The following PANK2 variants were observed in gnomAD, a reference collection of about 807,000 sequenced individuals.
PANK2 encodes the protein pantothenate kinase 2.
A neutral mutation model predicts 43.1 loss-of-function variants in PANK2; 36 were observed. That is an observed-to-expected ratio of 0.84 (90% CI 0.64 to 1.10). PANK2 has a LOEUF of 1.10. PANK2 is among the 50% of genes least tolerant of loss of function. The pLI, the probability that PANK2 is intolerant of heterozygous loss-of-function variation, is 0.00. For missense variants in PANK2, 576 were observed against 593.3 expected (o/e 0.97, Z 0.30); for synonymous variants, 281 against 238.2 (o/e 1.18, Z -1.66).
Position 3,912,576 on chromosome 20 carries a change from G to A in PANK2, c.1024G>A (p.Asp342Asn). 6.2e-7 allele frequency: 1 copy of A among 1,614,146 alleles called. No individual in the cohort carries two copies. The highest frequency in any genetic ancestry group is 8.5e-7 in the Non-Finnish European group (1 of 1,180,030). Reference sequence around the variant, plus strand: ...CACCAAAGTGGATAAACTAGTACGAGATATTTATGGAGGGGACTATGAGAG... The same window carrying A: ...CACCAAAGTGGATAAACTAGTACGAAATATTTATGGAGGGGACTATGAGAG... Residue 342 changes from aspartate to asparagine, a missense_variant, in exon 4 of 7, where the codon GAT (aspartate) becomes AAT (asparagine). This residue lies in a region of PANK2 where 544 missense variants were observed against 528.9 expected (regional missense o/e 1.03). Transcript: ENST00000610179.
At position 3,914,984 on chromosome 20, in the gene PANK2, A is replaced by G. The variant is rs1317986830; in HGVS notation, c.1083-1943A>G. ...AAATGTCTGCTGAAGTCTATTGCTA[A>G]GTTTTTAGTTGGATTGTCTTTTTAT... is the stretch of plus-strand genomic sequence containing the variant. On this transcript the variant is annotated intron_variant, in intron 4 of 6. Transcript: ENST00000610179. Among the ~76,000 whole-genome samples, 5 of 152,180 alleles carry G rather than the reference A, an allele frequency of 3.3e-5. No individual in the cohort carries two copies. In the South Asian group the frequency reaches 1.0e-3, roughly 32 times the overall value.
rs1399781461 is a variant in PANK2, at chr20:3,914,588, C to G, written c.1082+1954C>G. ...TGTTGGGATTACAGGTGTGAGCCAT[C>G]ACTCCTGGCTGAACATTTTTTTTGT... On this transcript the variant is annotated intron_variant, in intron 4 of 6. Transcript: ENST00000610179. 2.0e-5 allele frequency among the ~76,000 whole-genome samples: 3 copies of G among 147,036 alleles called. 1 individual carries two copies.
Position 3,889,696 on chromosome 20 carries a change from A to C in PANK2, c.266A>C (p.Gln89Pro), listed in dbSNP as rs1191744895. The change falls in exon 1 of 7, where the codon CAG (glutamine) becomes CCG (proline). Residue 89 changes from glutamine (Q) to proline (P), a missense_variant. By Grantham distance (76) the Gln-to-Pro change is moderately conservative. This residue lies in a region of PANK2 where 544 missense variants were observed against 528.9 expected (regional missense o/e 1.03). Transcript: ENST00000610179. ...AGCGGCCCCACCTCGGTCTCCCGCC[A>C]GCGCGTCGAAAGCCTGAGGAAAAAG... 3 of 1,595,820 alleles carry C rather than the reference A, an allele frequency of 1.9e-6. No individual in the cohort carries two copies. The highest frequency in any genetic ancestry group is 2.5e-6 in the Non-Finnish European group (3 of 1,178,974).
intron 4 of PANK2, among the ~76,000 whole-genome samples, chr20:3,916,118 T>G (rs2090555745): frequency 6.6e-6 from 1 of 152,244 alleles, no homozygotes; most frequent in African/African-American, 2.4e-5. Context: ...ATCTTTGCTT[T>G]CTTTCAGCAG....
rs1378766274 is a variant in PANK2, at chr20:3,924,026, T to C, written c.*732T>C. 1.3e-5 allele frequency: 2 copies of C among 152,512 alleles called. No individual in the cohort carries two copies. The highest frequency in any genetic ancestry group is 2.9e-5 in the Non-Finnish European group (2 of 68,302). 9.4% of individuals were successfully genotyped at this position (152,512 alleles called of 1,614,324 possible). A position where few individuals can be genotyped will look rare whatever the true frequency, so the allele number is the denominator to read the frequency against. On this transcript the variant is annotated 3_prime_UTR_variant, in exon 7 of 7. Transcript: ENST00000610179. ...ACATGAGTCAGCAGGGCCACTAGAA[T>C]TGACACCCCCTCAGGGGATCAGGGA...
rs2090676418 is a variant in PANK2, at chr20:3,923,336, A to G, written c.*42A>G. ...GGTTCCTGAAACCTTCCACAATGGGATCTGTGGACTTTCATTTTTTTAAGA... is the reference window on the plus strand; with the variant it reads ...GGTTCCTGAAACCTTCCACAATGGGGTCTGTGGACTTTCATTTTTTTAAGA... On this transcript the variant is annotated 3_prime_UTR_variant, in exon 7 of 7. Transcript: ENST00000610179. The G allele has an allele frequency of 1.3e-6, 2 of 1,592,718 alleles. No homozygotes were observed. Among genetic ancestry groups the G allele is most frequent in the Non-Finnish European group, 1.7e-6 (2 of 1,160,728 alleles).
rs2090770130 is a variant in PANK2, at chr20:3,928,779, A to AAAAAAAAAAG, written c.*5485_*5486insAAAAAAAAAG. On this transcript the variant is annotated 3_prime_UTR_variant, in exon 7 of 7. Coordinates refer to ENST00000610179, the MANE Select transcript of PANK2 (RefSeq NM_001386393.1). ...AAAAAAAAAAAAAAAAAAAAAAAAA[A>AAAAAAAAAAG]TTGTTGGGGTAATTTCTGTTGTCAA... 1 of 141,642 alleles carries AAAAAAAAAAG rather than the reference A, an allele frequency of 7.1e-6. No individual in the cohort carries two copies. The highest frequency in any genetic ancestry group is 1.5e-5 in the Non-Finnish European group (1 of 66,442). 8.8% of individuals were successfully genotyped at this position (141,642 alleles called of 1,614,324 possible).
At position 3,895,254 on chromosome 20, in the gene PANK2, AC is replaced by A. The variant is rs1208761762; in HGVS notation, c.298+5527del. The stretch of plus-strand genomic sequence containing the variant: ...GCGCCACTGCACTCCAGCCTGGGAG[AC>A]AGGGCGAGACTCCATCTCAAATAAA... On this transcript the variant is annotated intron_variant, in intron 1 of 6. Coordinates refer to ENST00000610179, the MANE Select transcript of PANK2 (RefSeq NM_001386393.1). Among the ~76,000 whole-genome samples, 4 of 152,226 alleles carry A rather than the reference AC, an allele frequency of 2.6e-5. 1 individual carries two copies. The highest frequency in any genetic ancestry group is 9.6e-5 in the African/African-American group (4 of 41,548).
chr20:3,903,873 C>T (rs554028501), intron 1 of PANK2, among the ~76,000 whole-genome samples: 3 of 152,100 alleles, frequency 2.0e-5, no homozygotes, highest in African/African-American at 2.4e-5. Flanking sequence ...GTGATCCGGC[C>T]GCTTCAGCCT....
chr20:3,898,943 C>T (rs1251309253), intron 1 of PANK2, among the ~76,000 whole-genome samples: 1 of 150,656 alleles, frequency 6.6e-6, no homozygotes, highest in Non-Finnish European at 1.5e-5. Flanking sequence ...GGTGCGACCT[C>T]GGCTCACTGC....
At chr20:3,922,662 T>C (rs2090664238) in intron 6 of PANK2, among the ~76,000 whole-genome samples, 1 of 151,934 alleles carries the variant, frequency 6.6e-6, no homozygotes, top group African/African-American at 2.4e-5. Context: ...CCGGCCTTGC[T>C]CTCCACACCT....
chr20:3,907,958 A>G lies in PANK2; in HGVS notation c.331A>G (p.Thr111Ala), dbSNP rs2090413063. ...ATGGTTTGGACTGGATATCGGTGGA[A>G]CTCTGGTCAAGCTGGTATATTTTGA... The change falls in exon 2 of 7, where the codon ACT becomes GCT. Residue 111 changes from threonine to alanine, a missense_variant. Around this residue, in one of 2 missense-constraint regions of PANK2, gnomAD observed 544 missense variants for 528.9 expected, o/e 1.03. Transcript: ENST00000610179. The G allele has an allele frequency of 1.2e-6, 2 of 1,614,144 alleles. No homozygotes were observed. The highest frequency in any genetic ancestry group is 1.7e-6 in the Non-Finnish European group (2 of 1,180,034).
chr20:3,905,088 G>A (rs1600525375), intron 1 of PANK2, among the ~76,000 whole-genome samples: 2 of 152,118 alleles, frequency 1.3e-5, no homozygotes, highest in South Asian at 4.1e-4. Flanking sequence ...GTCAGTGTTG[G>A]GGATAGAACA....
intron 4 of PANK2, among the ~76,000 whole-genome samples, chr20:3,915,322 T>C (rs1330961575): frequency 5.3e-5 from 8 of 152,050 alleles, no homozygotes; most frequent in Non-Finnish European, 1.2e-4. Flanking sequence ...TTTTTTGAGA[T>C]GGAGTCTTGC....
intron 1 of PANK2, among the ~76,000 whole-genome samples, chr20:3,901,199 G>A (rs2090295413): frequency 6.6e-6 from 1 of 150,590 alleles, no homozygotes; most frequent in Non-Finnish European, 1.5e-5. Context: ...TGGGACTACA[G>A]GTGCACGTGA....
At chr20:3,899,834 A>C (rs186357209) in intron 1 of PANK2, among the ~76,000 whole-genome samples, 17 of 150,952 alleles carry the variant, frequency 1.1e-4, no homozygotes, top group African/African-American at 4.1e-4. Context: ...CAGCCTCCCA[A>C]GTAGCTGGGA....
At chr20:3,915,735 T>A (rs2090549896) in intron 4 of PANK2, among the ~76,000 whole-genome samples, 1 of 152,240 alleles carries the variant, frequency 6.6e-6, no homozygotes, top group Non-Finnish European at 1.5e-5. Context: ...GAAAAGATGA[T>A]TCTTTCCCTG....
rs576740522 is a variant in PANK2, at chr20:3,899,792, C to T, written c.299-8134C>T. Among the ~76,000 whole-genome samples the T allele has an allele frequency of 1.6e-3, 242 of 150,330 alleles. 1 individual carries two copies. The highest frequency in any genetic ancestry group is 5.6e-3 in the African/African-American group (228 of 40,894). On this transcript the variant is annotated intron_variant, in intron 1 of 6. Coordinates refer to ENST00000610179, the MANE Select transcript of PANK2 (RefSeq NM_001386393.1). ...CTGCGATCTTGGCTCACTGCAAGCT[C>T]CGCCTCCCGGCTTCACACCATTCTC...
intron 1 of PANK2, among the ~76,000 whole-genome samples, chr20:3,898,566 G>A (rs1164369558): frequency 6.6e-6 from 1 of 152,032 alleles, no homozygotes; most frequent in Non-Finnish European, 1.5e-5. Context: ...ACTACTTTGG[G>A]TATATCCTAT....
Sources: allele counts gnomAD v4.1 joint callset (sites outside exome capture counted in the v4.1 genomes callset), GRCh38; gene constraint gnomAD v4.1.1; regional missense constraint gnomAD v4.1.1; transcripts MANE v1.5; gene names NCBI Gene and HGNC (gene_info 2026-07-23, HGNC 2026-07-21).